Variants in NAV3 observed in about 807,000 individuals in gnomAD.
NAV3 encodes neuron navigator 3, also known as pore membrane and/or filament interacting like protein 1.
In NAV3, 87 loss-of-function variants were observed where a neutral mutation model predicts 244.7. The observed-to-expected ratio is 0.36, with a 90% confidence interval of 0.30 to 0.42. The LOEUF (loss-of-function observed/expected upper bound fraction) is 0.42, where lower values mean the gene tolerates loss of function less well. NAV3 is among the 20% of genes least tolerant of loss of function. The pLI is 1.00. For synonymous variants in NAV3, 1,126 were observed against 1,042.2 expected (o/e 1.08, Z -1.55); for missense variants, 2,663 against 2,893.3 (o/e 0.92, Z 1.83).
At chr12:77,597,660 A>G (rs769962571) in intron 2 of NAV3, among the ~76,000 whole-genome samples, 1 of 152,050 alleles carries the variant, frequency 6.6e-6, no homozygotes, top group Non-Finnish European at 1.5e-5. Context: ...TAACCATGAA[A>G]ATGCATGCTT....
chr12:78,070,210 G>T (rs943077507), intron 12 of NAV3, among the ~76,000 whole-genome samples: 11 of 151,938 alleles, frequency 7.2e-5, no homozygotes, highest in African/African-American at 2.7e-4. Context: ...TTGAATATTT[G>T]GTTGGTGCCA....
chr12:77,973,079 A>G (rs563587128), intron 5 of NAV3, among the ~76,000 whole-genome samples: 1 of 152,214 alleles, frequency 6.6e-6, no homozygotes, highest in East Asian at 1.9e-4. Flanking sequence ...TAAAAGATAC[A>G]TTTTTTTATT....
At chr12:78,207,001 G>A (rs1246572674) in intron 39 of NAV3, among the ~76,000 whole-genome samples, 2 of 151,684 alleles carry the variant, frequency 1.3e-5, no homozygotes, top group African/African-American at 4.8e-5. Context: ...TGGGATTACA[G>A]TCATGCACCA....
chr12:77,793,297 C>T (rs1224404957), intron 2 of NAV3, among the ~76,000 whole-genome samples: 1 of 151,944 alleles, frequency 6.6e-6, no homozygotes, highest in East Asian at 1.9e-4. Context: ...AAGTATTTCT[C>T]TATTTTAATT....
At chr12:78,123,220 T>C (rs141534123) in intron 16 of NAV3, among the ~76,000 whole-genome samples, 18 of 152,308 alleles carry the variant, frequency 1.2e-4, no homozygotes, top group African/African-American at 4.3e-4. Context: ...TCCTGATAAA[T>C]GCAATGCTAT....
At chr12:77,688,199 T>C (rs1428692854) in intron 2 of NAV3, among the ~76,000 whole-genome samples, 7 of 152,022 alleles carry the variant, frequency 4.6e-5, no homozygotes, top group Non-Finnish European at 1.5e-5. Context: ...AAATTTAAAA[T>C]TTGTATCATA....
At chr12:77,869,978 T>C (rs1055338003) in intron 1 of NAV3, among the ~76,000 whole-genome samples, 1 of 152,204 alleles carries the variant, frequency 6.6e-6, no homozygotes, top group Non-Finnish European at 1.5e-5. Flanking sequence ...ACATGCTCTT[T>C]TGTTGTTACT....
At chr12:77,597,512 GC>G (rs1425001061) in intron 2 of NAV3, among the ~76,000 whole-genome samples, 1 of 152,076 alleles carries the variant, frequency 6.6e-6, no homozygotes, top group Non-Finnish European at 1.5e-5. Context: ...ATTTTTGCTA[GC>G]ATATTAAGTA....
intron 1 of NAV3, among the ~76,000 whole-genome samples, chr12:77,867,384 T>C (rs1880210098): frequency 6.6e-6 from 1 of 151,962 alleles, no homozygotes; most frequent in Non-Finnish European, 1.5e-5. Flanking sequence ...CTTTATAAAT[T>C]ACCCAGTCTC....
At chr12:78,146,553 T>C (rs1956872814) in intron 21 of NAV3, among the ~76,000 whole-genome samples, 161 bp downstream of exon 21, 1 of 152,146 alleles carries the variant, frequency 6.6e-6, no homozygotes, top group South Asian at 2.1e-4. Context: ...TGATATTGCC[T>C]CTTAAAAATA....
chr12:77,890,529 A>G (rs1565893667), intron 1 of NAV3, among the ~76,000 whole-genome samples: 1 of 152,192 alleles, frequency 6.6e-6, no homozygotes, highest in East Asian at 1.9e-4. Context: ...CAATATTTAT[A>G]TGTTAGCTTG....
intron 38 of NAV3, among the ~76,000 whole-genome samples, chr12:78,201,161 C>A (rs1959659792): frequency 1.4e-5 from 2 of 146,872 alleles, no homozygotes; most frequent in East Asian, 2.1e-4. Flanking sequence ...CAGCCTCGAA[C>A]TTTTGGGCTC....
intron 12 of NAV3, among the ~76,000 whole-genome samples, chr12:78,116,549 C>A (rs1162518993): frequency 6.6e-6 from 1 of 152,120 alleles, no homozygotes; most frequent in Non-Finnish European, 1.5e-5. Flanking sequence ...CTGGACACTG[C>A]TCTAGACACT....
At chr12:78,175,225 C>A (rs2139643962) in intron 24 of NAV3, 81 bp from the exon 25 acceptor site, 4 of 1,474,830 alleles carry the variant, frequency 2.7e-6, no homozygotes, top group African/African-American at 1.4e-5. Flanking sequence ...TAGAGAACTG[C>A]CTCTCAAAAG....
intron 12 of NAV3, among the ~76,000 whole-genome samples, chr12:78,071,686 A>G (rs1431780900): frequency 1.3e-5 from 2 of 152,242 alleles, no homozygotes; most frequent in South Asian, 4.1e-4. Flanking sequence ...TCAGCTTTCT[A>G]CATATGGCTA....
intron 1 of NAV3, among the ~76,000 whole-genome samples, chr12:77,901,665 G>C (rs947472036): frequency 2.6e-5 from 4 of 152,076 alleles, no homozygotes; most frequent in Admixed American, 2.6e-4. Context: ...AACTGAGATC[G>C]CACCACCGCC....
chr12:77,895,535 AT>A (rs1884494193), intron 1 of NAV3, among the ~76,000 whole-genome samples: 1 of 151,958 alleles, frequency 6.6e-6, no homozygotes, highest in Admixed American at 6.6e-5. Flanking sequence ...CCTTTTTATT[AT>A]TTTTGCTTTG....
chr12:77,864,067 A>G (rs1592820624), intron 1 of NAV3, among the ~76,000 whole-genome samples: 2 of 151,934 alleles, frequency 1.3e-5, no homozygotes, highest in South Asian at 2.1e-4. Flanking sequence ...GTTTTGGTAC[A>G]TCACACACAA....
chr12:78,182,724 AC>A (rs1220369046), intron 30 of NAV3, among the ~76,000 whole-genome samples: 1 of 151,932 alleles, frequency 6.6e-6, no homozygotes, highest in Non-Finnish European at 1.5e-5. Flanking sequence ...TTTTTTTAAT[AC>A]CTTTTTTTAC....
Sources: allele counts gnomAD v4.1 joint callset (sites outside exome capture counted in the v4.1 genomes callset), GRCh38; gene constraint gnomAD v4.1.1; transcripts MANE v1.5; gene names NCBI Gene and HGNC (gene_info 2026-07-23, HGNC 2026-07-21).